APAF1: variants seen among roughly 807,000 people sequenced by gnomAD.
The protein encoded by APAF1 is apoptotic peptidase activating factor 1, also known as apoptotic protease-activating factor 1.
A neutral mutation model predicts 152.4 loss-of-function variants in APAF1; 91 were observed. That is an observed-to-expected ratio of 0.60 (90% CI 0.50 to 0.71). The LOEUF is 0.71. Among genes scored for constraint, APAF1 ranks in the 30% least tolerant of loss-of-function variants. The pLI, the probability that APAF1 is intolerant of heterozygous loss-of-function variation, is 0.00. For missense variants in APAF1, 1,283 were observed against 1,472.0 expected (o/e 0.87, Z 2.10); for synonymous variants, 484 against 494.1 (o/e 0.98, Z 0.27).
At chr12:98,702,105 G>A (rs1476824128) in intron 17 of APAF1, among the ~76,000 whole-genome samples, 4 of 151,162 alleles carry the variant, frequency 2.6e-5, no homozygotes, top group Admixed American at 6.6e-5. Flanking sequence ...TCGCTCTTTC[G>A]CCCAGGCTGG....
Position 98,723,619 on chromosome 12 carries a change from GTTT to G in APAF1, c.3205-6_3205-4del, listed in dbSNP as rs199829267. 341 of 1,365,196 alleles carry G rather than the reference GTTT, an allele frequency of 2.5e-4. No individual in the cohort carries two copies. Among genetic ancestry groups the G allele is most frequent in the Non-Finnish European group, 2.2e-4 (217 of 998,554 alleles). The allele number at this position is 1,365,196 out of a possible 1,614,324, so 84.6% of individuals were successfully genotyped here. On this transcript the variant is annotated splice_polypyrimidine_tract_variant and intron_variant, in intron 23 of 26. Coordinates refer to ENST00000551964, the MANE Select transcript of APAF1 (RefSeq NM_181861.2). ...TTCTTAAAAGTGTCAACCTCCAAGT[GTTT>G]TTTTTTTTTTTTTAAGGTATGGAAT...
chr12:98,691,476 A>C (rs1400771675), intron 16 of APAF1, among the ~76,000 whole-genome samples: 1 of 152,100 alleles, frequency 6.6e-6, no homozygotes, highest in Non-Finnish European at 1.5e-5. Context: ...TGGGCTTCTT[A>C]AGTCATCTAT....
Position 98,665,553 on chromosome 12 carries a change from G to C in APAF1, c.956G>C (p.Gly319Ala), listed in dbSNP as rs777675629. The C allele has an allele frequency of 8.7e-6, 14 of 1,605,776 alleles. No individual in the cohort carries two copies. Among genetic ancestry groups the C allele is most frequent in the Non-Finnish European group, 1.2e-5 (14 of 1,173,498 alleles). The change falls in exon 8 of 27, where the codon GGC (glycine) becomes GCC (alanine). Residue 319 changes from glycine to alanine, a missense_variant and splice_region_variant. Coordinates refer to ENST00000551964, the MANE Select transcript of APAF1 (RefSeq NM_181861.2). The stretch of plus-strand genomic sequence containing the variant: ...TAGTGACTTCATTTTTTTTTTAAAG[G>C]CTCTCCCCTTGTAGTATCTTTAATT... ...QAHSIIKECKGSPLVVSLIGA... is the reference protein window; with the variant it reads ...QAHSIIKECKASPLVVSLIGA...
In APAF1 at chr12:98,725,551, T is replaced by G. The variant is rs756308809; in HGVS notation, c.3456+11T>G. 3.1e-6 allele frequency: 5 copies of G among 1,613,966 alleles called. No homozygotes were observed. Among genetic ancestry groups the G allele is most frequent in the African/African-American group, 2.7e-5 (2 of 74,926 alleles). Reference sequence around the variant, plus strand: ...AATGGAGAAATCAGGGTAGGCTGTTTGCTGACATGAGAGCACTGCTCTTCT... The same window carrying G: ...AATGGAGAAATCAGGGTAGGCTGTTGGCTGACATGAGAGCACTGCTCTTCT... On this transcript the variant is annotated intron_variant, in intron 25 of 26. Coordinates refer to ENST00000551964, the MANE Select transcript of APAF1 (RefSeq NM_181861.2).
Position 98,701,213 on chromosome 12 carries a change from AT to A in APAF1, c.2466+1646del, listed in dbSNP as rs1005138903. Among the ~76,000 whole-genome samples the A allele has an allele frequency of 3.1e-3, 470 of 152,312 alleles. 4 individuals carry two copies. Among genetic ancestry groups the A allele is most frequent in the African/African-American group, 0.011 (451 of 41,578 alleles). On this transcript the variant is annotated intron_variant, in intron 17 of 26. Coordinates refer to ENST00000551964, the MANE Select transcript of APAF1 (RefSeq NM_181861.2). ...TGATTTGTGTGATCTGTGAAAAGGA[AT>A]TGGACTATCATACTTGGGTTGTATA...
chr12:98,671,585 C>G lies in APAF1; in HGVS notation c.1659C>G (p.His553Gln). 6.2e-7 allele frequency: 1 copy of G among 1,613,956 alleles called. No individual in the cohort carries two copies. Among genetic ancestry groups the G allele is most frequent in the East Asian group, 2.2e-5 (1 of 44,864 alleles). Reference sequence around the variant, plus strand: ...AGGAGTTTTTATCTTTAAATGGACACCTTCTTGGACGACAGCCATTTCCTA... The same window carrying G: ...AGGAGTTTTTATCTTTAAATGGACAGCTTCTTGGACGACAGCCATTTCCTA... ...NFQEFLSLNG[H>Q]LLGRQPFPNI... Residue 553 changes from histidine to glutamine, a missense_variant, in exon 12 of 27, where the codon CAC becomes CAG. His to Gln is a conservative substitution (Grantham distance 24, BLOSUM62 0). Coordinates refer to ENST00000551964, the MANE Select transcript of APAF1 (RefSeq NM_181861.2).
At chr12:98,712,666 G>A (rs929756137) in intron 21 of APAF1, 5 of 471,796 alleles carry the variant, frequency 1.1e-5, no homozygotes, top group South Asian at 9.5e-5. Flanking sequence ...AAAGGTGTAC[G>A]TCACCATGCC....
chr12:98,725,620 C>A, intron 25 of APAF1, 80 bp downstream of exon 25: 2 of 1,591,010 alleles, frequency 1.3e-6, no homozygotes, highest in African/African-American at 1.3e-5. Context: ...CCTTTGTTCA[C>A]GGGCCAGGGA....
chr12:98,718,302 G>A (rs4762504), intron 22 of APAF1, among the ~76,000 whole-genome samples: 76,053 of 151,596 alleles, frequency 0.5, 19,345 homozygotes, highest in Admixed American at 0.57. Flanking sequence ...GTGCAATCTC[G>A]GCTCACTGAA....
At position 98,677,553 on chromosome 12, in the gene APAF1, TA is replaced by T; in HGVS notation, c.1920+6del. On this transcript the variant is annotated splice_donor_region_variant and intron_variant, in intron 13 of 26. Coordinates refer to ENST00000551964, the MANE Select transcript of APAF1 (RefSeq NM_181861.2). ...TGTGGAGCTGATAAAACCTTACAGG[TA>T]AAACACATCTCTTGAGAAAAATGCA... The T allele has an allele frequency of 6.2e-7, 1 of 1,614,094 alleles. No homozygotes were observed. Among genetic ancestry groups the T allele is most frequent in the Non-Finnish European group, 8.5e-7 (1 of 1,180,014 alleles).
At chr12:98,655,614 CTTTTTA>C (rs1565856954) in intron 4 of APAF1, among the ~76,000 whole-genome samples, 2 of 152,086 alleles carry the variant, frequency 1.3e-5, no homozygotes, top group Non-Finnish European at 2.9e-5. Flanking sequence ...AATTCTTAAT[CTTTTTA>C]TTTTTATTTT....
intron 15 of APAF1, 113 bp downstream of exon 15, chr12:98,683,387 A>G: frequency 2.8e-6 from 3 of 1,083,026 alleles, no homozygotes; most frequent in Non-Finnish European, 4.2e-6. Flanking sequence ...AATGATAGAA[A>G]CTACAATAAT....
At chr12:98,678,346 G>T (rs1439995638) in intron 13 of APAF1, among the ~76,000 whole-genome samples, 3 of 152,258 alleles carry the variant, frequency 2.0e-5, no homozygotes, top group Admixed American at 2.0e-4. Context: ...GCTGCAGCAG[G>T]GAGGCGCAGC....
At position 98,712,448 on chromosome 12, in the gene APAF1, A is replaced by G. The variant is rs1395605272; in HGVS notation, c.2958+13A>G. Reference sequence around the variant, plus strand: ...TGGAGCCATTGAGGTATTCAGTGCTAGTCTTCAGAATCTTTCTGTACAGAA... The same window carrying G: ...TGGAGCCATTGAGGTATTCAGTGCTGGTCTTCAGAATCTTTCTGTACAGAA... On this transcript the variant is annotated intron_variant, in intron 21 of 26. Coordinates refer to ENST00000551964, the MANE Select transcript of APAF1 (RefSeq NM_181861.2). 1 of 1,339,294 alleles carries G rather than the reference A, an allele frequency of 7.5e-7. No homozygotes were observed. The highest frequency in any genetic ancestry group is 1.4e-5 in the African/African-American group (1 of 69,598). 83.0% of individuals were successfully genotyped at this position (1,339,294 alleles called of 1,614,324 possible).
intron 22 of APAF1, 93 bp downstream of exon 22, chr12:98,715,645 A>C (rs2288713): frequency 0.099 from 140,736 of 1,424,444 alleles, 8,218 homozygotes; most frequent in East Asian, 0.25. Flanking sequence ...TATTTTAAAC[A>C]CATTACGTTG....
chr12:98,682,702 C>G (rs1164663420), intron 14 of APAF1, among the ~76,000 whole-genome samples: 1 of 151,934 alleles, frequency 6.6e-6, no homozygotes, highest in Non-Finnish European at 1.5e-5. Context: ...TATAGATATC[C>G]CCATTTTACA....
At chr12:98,732,243 A>G (rs766644403) in intron 26 of APAF1, among the ~76,000 whole-genome samples, 177 bp from the exon 27 acceptor site, 41 of 152,226 alleles carry the variant, frequency 2.7e-4, no homozygotes, top group Admixed American at 5.2e-4. Context: ...ACCAGTGTTC[A>G]TCAGGAAGAG....
In APAF1 at chr12:98,649,476, T is replaced by A; in HGVS notation, c.329-11T>A. ...TCTATTCATTCATGCTTGTTTTGTT[T>A]TGGATTTTAGTAAGGACAGTCCTGT... On this transcript the variant is annotated splice_polypyrimidine_tract_variant and intron_variant, in intron 3 of 26. Coordinates refer to ENST00000551964, the MANE Select transcript of APAF1 (RefSeq NM_181861.2). 6.2e-7 allele frequency: 1 copy of A among 1,613,880 alleles called. No individual in the cohort carries two copies.
intron 1 of APAF1, among the ~76,000 whole-genome samples, chr12:98,647,204 T>G (rs535658166): frequency 6.8e-6 from 1 of 146,836 alleles, no homozygotes; most frequent in Non-Finnish European, 1.5e-5. Flanking sequence ...TCACCTGAGG[T>G]CAGGAATTCA....
Sources: allele counts gnomAD v4.1 joint callset (sites outside exome capture counted in the v4.1 genomes callset), GRCh38; gene constraint gnomAD v4.1.1; transcripts MANE v1.5; gene names NCBI Gene and HGNC (gene_info 2026-07-23, HGNC 2026-07-21).